ATP9B: variants seen among roughly 807,000 people sequenced by gnomAD.
ATP9B encodes the protein probable phospholipid-transporting ATPase IIB.
Under a neutral mutation model 146.1 loss-of-function variants are expected in ATP9B, and 110 were observed. That is an observed-to-expected ratio of 0.75 (90% CI 0.65 to 0.88). The LOEUF is 0.88. ATP9B is among the 40% of genes least tolerant of loss of function. ATP9B has a pLI of 0.00. For synonymous variants in ATP9B, 604 were observed against 569.7 expected (o/e 1.06, Z -0.86); for missense variants, 1,499 against 1,496.4 (o/e 1.00, Z -0.03).
At chr18:79,143,291 C>A (rs1381129190) in intron 5 of ATP9B, among the ~76,000 whole-genome samples, 3 of 152,182 alleles carry the variant, frequency 2.0e-5, no homozygotes, top group Non-Finnish European at 4.4e-5. Flanking sequence ...AGAGAAATCA[C>A]TTTTAGTAAT....
intron 1 of ATP9B, among the ~76,000 whole-genome samples, chr18:79,082,913 C>T (rs1361234716): frequency 6.6e-6 from 1 of 152,198 alleles, no homozygotes; most frequent in East Asian, 1.9e-4. Flanking sequence ...CAGTCTGTCC[C>T]TTAGCAGAGC....
intron 8 of ATP9B, among the ~76,000 whole-genome samples, chr18:79,179,470 T>G (rs1041165815): frequency 6.6e-6 from 1 of 152,168 alleles, no homozygotes; most frequent in African/African-American, 2.4e-5. Flanking sequence ...TTTATTTAGT[T>G]AAAAATAATT....
rs1261262707 is a variant in ATP9B at position 79,096,557 on chromosome 18, T to G, written c.201T>G (p.Ser67Arg). The G allele has an allele frequency of 6.2e-7, 1 of 1,613,786 alleles. No homozygotes were observed. The highest frequency in any genetic ancestry group is 2.2e-5 in the East Asian group (1 of 44,864). ...MSEEGFENEE[S>R]DYHTLPRARI... ...AAGAAGGCTTTGAGAATGAGGAAAG[T>G]GATTACCACACCTTACCACGAGCCA... The change falls in exon 2 of 30, where the codon AGT (serine) becomes AGG (arginine). Residue 67 changes from serine (S) to arginine (R), a missense_variant. Physicochemically the swap from Ser to Arg is moderately radical, Grantham distance 110. Transcript: ENST00000426216.
At chr18:79,298,570 G>A in intron 13 of ATP9B, among the ~76,000 whole-genome samples, 1 of 146,898 alleles carries the variant, frequency 6.8e-6, no homozygotes, top group Middle Eastern at 3.2e-3. Context: ...GTCAAGATTT[G>A]TTTTGTAGGT....
At chr18:79,108,630 C>T (rs1367624541) in intron 2 of ATP9B, among the ~76,000 whole-genome samples, 2 of 152,110 alleles carry the variant, frequency 1.3e-5, no homozygotes, top group Non-Finnish European at 1.5e-5. Context: ...TGGCTATCCC[C>T]GTGGCAGAGC....
At chr18:79,220,474 G>GC (rs1319586551) in intron 11 of ATP9B, among the ~76,000 whole-genome samples, 1 of 152,088 alleles carries the variant, frequency 6.6e-6, no homozygotes, top group African/African-American at 2.4e-5. Context: ...GGTGGCATGT[G>GC]CCTGTAGTAC....
intron 11 of ATP9B, among the ~76,000 whole-genome samples, chr18:79,234,965 TG>T (rs1457303370): frequency 2.6e-5 from 4 of 152,174 alleles, no homozygotes; most frequent in African/African-American, 4.8e-5. Context: ...CTCCGCCTCC[TG>T]GGTTCAAGCA....
At chr18:79,086,358 C>T (rs2073825135) in intron 1 of ATP9B, 1 of 131,346 alleles carries the variant, frequency 7.6e-6, no homozygotes, top group Non-Finnish European at 1.5e-5. Context: ...ATCGCTTGAA[C>T]TTGGGAGGCA....
chr18:79,073,541 TCAGG>T (rs1488575515), intron 1 of ATP9B, among the ~76,000 whole-genome samples: 1 of 151,996 alleles, frequency 6.6e-6, no homozygotes, highest in Non-Finnish European at 1.5e-5. Context: ...GGCAGGAGAA[TCAGG>T]CAGGGAGGTT....
At chr18:79,369,170 G>A (rs368013238) in intron 26 of ATP9B, among the ~76,000 whole-genome samples, 78 of 152,260 alleles carry the variant, frequency 5.1e-4, no homozygotes, top group Middle Eastern at 3.4e-3. Context: ...AGGCCGAGGC[G>A]GGCGGGTCAC....
intron 11 of ATP9B, among the ~76,000 whole-genome samples, chr18:79,245,114 G>A (rs539984299): frequency 9.8e-5 from 15 of 152,310 alleles, no homozygotes; most frequent in Non-Finnish European, 1.8e-4. Flanking sequence ...AGTTCCTGCA[G>A]AGCTTGCTGG....
At chr18:79,185,116 G>A (rs796374760) in intron 8 of ATP9B, among the ~76,000 whole-genome samples, 4 of 152,136 alleles carry the variant, frequency 2.6e-5, no homozygotes, top group Non-Finnish European at 4.4e-5. Flanking sequence ...ATGGGGGCAC[G>A]GGGATACTTT....
chr18:79,083,264 C>T (rs2073454430), intron 1 of ATP9B, among the ~76,000 whole-genome samples: 1 of 152,222 alleles, frequency 6.6e-6, no homozygotes, highest in Non-Finnish European at 1.5e-5. Flanking sequence ...CCCCACCAAG[C>T]TTGGGCATCC....
At chr18:79,339,403 G>C (rs2096845644) in intron 19 of ATP9B, among the ~76,000 whole-genome samples, 1 of 148,708 alleles carries the variant, frequency 6.7e-6, no homozygotes, top group Non-Finnish European at 1.5e-5. Context: ...CATGATTGCA[G>C]TAGGAAGTAT....
rs781310822 is a variant in ATP9B at position 79,342,327 on chromosome 18, T to C, written c.2343T>C (p.His781=). Residue 781 remains histidine, a synonymous_variant, in exon 20 of 30, where the codon CAT becomes CAC. Coordinates refer to ENST00000426216, the MANE Select transcript of ATP9B (RefSeq NM_198531.5). ...CTACCTGCATTGCCAAAAGTTCACA[T>C]CTCGTGTCTAGAACACAAGATATTC... ...ETATCIAKSS[H]LVSRTQDIHI... 2.5e-6 allele frequency: 4 copies of C among 1,613,786 alleles called. No homozygotes were observed. The highest frequency in any genetic ancestry group is 3.4e-6 in the Non-Finnish European group (4 of 1,179,786).
intron 5 of ATP9B, among the ~76,000 whole-genome samples, chr18:79,136,940 C>T (rs772058965): frequency 2.6e-5 from 4 of 152,174 alleles, no homozygotes; most frequent in African/African-American, 7.2e-5. Flanking sequence ...ACCATTAGAA[C>T]GCACTCACTA....
intron 13 of ATP9B, among the ~76,000 whole-genome samples, chr18:79,282,939 G>A (rs2096394024): frequency 6.6e-6 from 1 of 152,236 alleles, no homozygotes; most frequent in Non-Finnish European, 1.5e-5. Flanking sequence ...CACAGCTCTA[G>A]ATAACAGGGG....
intron 2 of ATP9B, among the ~76,000 whole-genome samples, chr18:79,108,400 T>G (rs996948833): frequency 6.6e-6 from 1 of 152,208 alleles, no homozygotes; most frequent in Non-Finnish European, 1.5e-5. Flanking sequence ...CCAAAAATAT[T>G]AATGGTGAAC....
In ATP9B at chr18:79,214,474, A is replaced by G. The variant is rs139981201; in HGVS notation, c.1107+436A>G. On this transcript the variant is annotated intron_variant, in intron 11 of 29. Coordinates refer to ENST00000426216, the MANE Select transcript of ATP9B (RefSeq NM_198531.5). ...CAGTTTTATTTATTTCCATGTCAGA[A>G]GAAGCATATTGAAGCCAAAGATTAG... is the stretch of plus-strand genomic sequence containing the variant. 7.7e-4 allele frequency among the ~76,000 whole-genome samples: 117 copies of G among 152,342 alleles called. 2 individuals carry two copies. The highest frequency in any genetic ancestry group is 2.7e-3 in the African/African-American group (112 of 41,586).
Sources: allele counts gnomAD v4.1 joint callset (sites outside exome capture counted in the v4.1 genomes callset), GRCh38; gene constraint gnomAD v4.1.1; transcripts MANE v1.5; gene names NCBI Gene and HGNC (gene_info 2026-07-23, HGNC 2026-07-21).